CEP95: variants seen among roughly 807,000 people sequenced by gnomAD.
CEP95 encodes the protein centrosomal protein 95, also known as centrosomal protein of 95 kDa.
CEP95 carries 98 observed loss-of-function variants against 111.2 expected under a neutral mutation model. The observed-to-expected ratio is 0.88, with a 90% CI of 0.75 to 1.04. The LOEUF (loss-of-function observed/expected upper bound fraction) is 1.04, where lower values mean the gene tolerates loss of function less well. Ranked by LOEUF, CEP95 falls within the 50% of genes least tolerant of loss-of-function variation. The probability of loss-of-function intolerance (pLI) is 0.00; values close to 1 mark genes in which losing one functional copy is unlikely to be tolerated. For missense variants in CEP95, 1,027 were observed against 977.2 expected (o/e 1.05, Z -0.68); for synonymous variants, 323 against 327.1 (o/e 0.99, Z 0.14).
chr17:64,526,157 A>T lies in CEP95; in HGVS notation c.1109A>T (p.Asp370Val). The T allele has an allele frequency of 6.2e-7, 1 of 1,613,356 alleles. No homozygotes were observed. Among genetic ancestry groups the T allele is most frequent in the Non-Finnish European group, 8.5e-7 (1 of 1,179,696 alleles). ...RKRLTEQELH[D>V]VSEKLSQRLS... ...AGATTAACAGAACAAGAATTACATG[A>T]TGTATCAGAAAAACTCTCTCAGCGG... Residue 370 changes from aspartate (D) to valine (V), a missense_variant, in exon 10 of 20, where the codon GAT (aspartate) becomes GTT (valine). Asp to Val is a radical substitution (Grantham distance 152, BLOSUM62 -3). Coordinates refer to ENST00000556440, the MANE Select transcript of CEP95 (RefSeq NM_138363.3).
chr17:64,519,579 A>C, intron 6 of CEP95, 143 bp downstream of exon 6: 1 of 607,626 alleles, frequency 1.6e-6, no homozygotes, highest in Non-Finnish European at 2.9e-6. Flanking sequence ...CCCACTACCC[A>C]TTAAATATGA....
At chr17:64,537,193 G>A (rs1968719012) in intron 19 of CEP95, 81 bp downstream of exon 19, 8 of 1,559,300 alleles carry the variant, frequency 5.1e-6, no homozygotes, top group Non-Finnish European at 6.9e-6. Context: ...TTGGTGGTTG[G>A]AGCAATAGGC....
intron 7 of CEP95, among the ~76,000 whole-genome samples, chr17:64,522,442 G>A (rs1967424227): frequency 6.6e-6 from 1 of 151,462 alleles, no homozygotes; most frequent in Non-Finnish European, 1.5e-5. Context: ...AGGAGTTGGA[G>A]ACCAGCCTGG....
chr17:64,524,372 A>T (rs1967627397), intron 8 of CEP95, among the ~76,000 whole-genome samples: 1 of 152,104 alleles, frequency 6.6e-6, no homozygotes, highest in Non-Finnish European at 1.5e-5. Context: ...GTAGTGGTGC[A>T]GTCTGCACCC....
In CEP95 at chr17:64,514,321, T is replaced by C. The variant is rs782515353; in HGVS notation, c.330T>C (p.Tyr110=). The change falls in exon 4 of 20, where the codon TAT becomes TAC. Residue 110 remains tyrosine (Y), a synonymous_variant. Transcript: ENST00000556440. ...AAATATTTGATGGTTTGTTGGAGTATCTTACAGAACGCATCAGTGAAACAT... is the reference window on the plus strand; with the variant it reads ...AAATATTTGATGGTTTGTTGGAGTACCTTACAGAACGCATCAGTGAAACAT... ...LLEIFDGLLE[Y]LTERISETSH... The C allele has an allele frequency of 1.3e-6, 2 of 1,524,588 alleles. No individual in the cohort carries two copies. Among genetic ancestry groups the C allele is most frequent in the Admixed American group, 2.0e-5 (1 of 50,908 alleles). 94.4% of individuals were successfully genotyped at this position (1,524,588 alleles called of 1,614,324 possible).
intron 19 of CEP95, 179 bp downstream of exon 19, chr17:64,537,291 A>C (rs1968725629): frequency 2.8e-6 from 4 of 1,405,930 alleles, no homozygotes; most frequent in South Asian, 1.7e-5. Context: ...AAAATCATTT[A>C]ATGATGCATT....
At chr17:64,512,048 A>C (rs1247745640) in intron 3 of CEP95, among the ~76,000 whole-genome samples, 1 of 152,222 alleles carries the variant, frequency 6.6e-6, no homozygotes, top group Non-Finnish European at 1.5e-5. Flanking sequence ...TGATAGCTGC[A>C]TACAGTGGAC....
Position 64,529,295 on chromosome 17 carries a change from C to T in CEP95, c.1314C>T (p.Ser438=). 2 of 1,611,886 alleles carry T rather than the reference C, an allele frequency of 1.2e-6. No homozygotes were observed. Among genetic ancestry groups the T allele is most frequent in the South Asian group, 2.2e-5 (2 of 90,740 alleles). Reference sequence around the variant, plus strand: ...GTCTTTTCTCTGTTGCAGGACTTTCCATGCGTAGAAAGCCACCCTACAGAT... The same window carrying T: ...GTCTTTTCTCTGTTGCAGGACTTTCTATGCGTAGAAAGCCACCCTACAGAT... The part of the protein sequence containing the change: ...YGPKKSRPGL[S]MRRKPPYRSH... The change falls in exon 12 of 20, where the codon TCC becomes TCT. Residue 438 remains serine (S), a synonymous_variant. Transcript: ENST00000556440.
chr17:64,527,868 G>GTA (rs565017430), intron 11 of CEP95, among the ~76,000 whole-genome samples: 481 of 120,608 alleles, frequency 4.0e-3, no homozygotes, highest in Middle Eastern at 0.016. Context: ...GTGTGTGTGT[G>GTA]TGTATATATA....
intron 8 of CEP95, among the ~76,000 whole-genome samples, chr17:64,525,520 A>C (rs1441940649): frequency 6.6e-6 from 1 of 152,088 alleles, no homozygotes; most frequent in Non-Finnish European, 1.5e-5. Flanking sequence ...ATATTTAGAG[A>C]ACACCTGGCC....
Position 64,537,696 on chromosome 17 carries a change from T to C in CEP95, c.2383T>C (p.Phe795Leu). 1 of 1,613,548 alleles carries C rather than the reference T, an allele frequency of 6.2e-7. No individual in the cohort carries two copies. Among genetic ancestry groups the C allele is most frequent in the Non-Finnish European group, 8.5e-7 (1 of 1,179,680 alleles). ...GATAACACAGAATGATGATGATGTT[T>C]TCTTCCGGGAACTGGAAGCTGAGCG... is the stretch of plus-strand genomic sequence containing the variant. ...DMITQNDDDV[F>L]FRELEAERFR... Residue 795 changes from phenylalanine (F) to leucine (L), a missense_variant, in exon 20 of 20, where the codon TTC becomes CTC. By Grantham distance (22) the Phe-to-Leu change is conservative (BLOSUM62 0). Coordinates refer to ENST00000556440, the MANE Select transcript of CEP95 (RefSeq NM_138363.3).
At chr17:64,515,028 A>G (rs1257333386) in intron 4 of CEP95, among the ~76,000 whole-genome samples, 1 of 152,228 alleles carries the variant, frequency 6.6e-6, no homozygotes, top group Non-Finnish European at 1.5e-5. Context: ...TGTGATAGTC[A>G]CATTTGAAAT....
chr17:64,507,223 C>T (rs2038595232), intron 1 of CEP95, 107 bp downstream of exon 1: 1 of 1,526,992 alleles, frequency 6.5e-7, no homozygotes, highest in Non-Finnish European at 8.8e-7. Flanking sequence ...GGGCTCGTGA[C>T]CTTCAGACGC....
intron 11 of CEP95, among the ~76,000 whole-genome samples, chr17:64,527,584 T>C (rs1361612356): frequency 1.3e-5 from 2 of 152,182 alleles, no homozygotes; most frequent in African/African-American, 2.4e-5. Flanking sequence ...TTTTATACTT[T>C]AAGAGCTCAT....
upstream of CEP95, chr17:64,506,819 C>T: frequency 3.4e-6 from 2 of 582,094 alleles, no homozygotes; most frequent in Non-Finnish European, 6.2e-6. Context: ...CCGTCCGACC[C>T]GCGTGTCTGA....
intron 3 of CEP95, among the ~76,000 whole-genome samples, chr17:64,512,648 A>G (rs1330460712): frequency 6.6e-6 from 1 of 152,230 alleles, no homozygotes; most frequent in African/African-American, 2.4e-5. Flanking sequence ...GTTAATCAGG[A>G]TAAGTCCTGA....
Position 64,507,336 on chromosome 17 carries a change from T to C in CEP95, c.19+220T>C, listed in dbSNP as rs138461987. 17 of 1,432,468 alleles carry C rather than the reference T, an allele frequency of 1.2e-5. No homozygotes were observed. In the African/African-American group the frequency reaches 2.0e-4, roughly 17 times the overall value. The allele number at this position is 1,432,468 out of a possible 1,614,324, so 88.7% of individuals were successfully genotyped here. On this transcript the variant is annotated intron_variant, in intron 1 of 19. Coordinates refer to ENST00000556440, the MANE Select transcript of CEP95 (RefSeq NM_138363.3). ...TATGCTGTGGGAGAGAGAGAGGCAC[T>C]GGGGCGAGGCCGGTAGGACACTTGG... is the stretch of plus-strand genomic sequence containing the variant.
At chr17:64,514,516 T>G (rs1568127956) in intron 4 of CEP95, 158 bp downstream of exon 4, 1 of 513,800 alleles carries the variant, frequency 1.9e-6, no homozygotes, top group Non-Finnish European at 3.5e-6. Context: ...TTGTTCCAGC[T>G]GGTTGGAAAC....
intron 3 of CEP95, 32 bp downstream of exon 3, chr17:64,510,312 G>T: frequency 1.6e-6 from 2 of 1,252,690 alleles, no homozygotes; most frequent in South Asian, 1.3e-5. Context: ...ACATAATTAT[G>T]CATTTTAGTA....
Sources: gnomAD v4.1 joint callset for allele counts (sites outside exome capture counted in the v4.1 genomes callset) on GRCh38, gnomAD v4.1.1 for gene constraint, MANE v1.5 for transcripts, NCBI Gene and HGNC (gene_info 2026-07-23, HGNC 2026-07-21) for gene names.